The following GRIN2A variants were observed in gnomAD, a reference collection of about 807,000 sequenced individuals.
The protein encoded by GRIN2A is glutamate ionotropic receptor NMDA type subunit 2A.
A neutral mutation model predicts 113.4 loss-of-function variants in GRIN2A; 22 were observed. That is an observed-to-expected ratio of 0.19 (90% CI 0.14 to 0.28). The LOEUF (loss-of-function observed/expected upper bound fraction) is 0.28. Ranked by LOEUF, GRIN2A falls within the 10% of genes least tolerant of loss-of-function variation. GRIN2A has a pLI of 1.00. For synonymous variants in GRIN2A, 827 were observed against 738.4 expected (o/e 1.12, Z -1.94); for missense variants, 1,502 against 1,887.0 (o/e 0.80, Z 3.78).
At chr16:9,804,378 A>G (rs1381132677) in intron 10 of GRIN2A, among the ~76,000 whole-genome samples, 4 of 152,020 alleles carry the variant, frequency 2.6e-5, no homozygotes, top group African/African-American at 9.7e-5. Flanking sequence ...CATCCAACTG[A>G]AAGCCCAGTT....
At chr16:9,802,242 C>T (rs979185565) in intron 10 of GRIN2A, among the ~76,000 whole-genome samples, 3 of 152,122 alleles carry the variant, frequency 2.0e-5, no homozygotes, top group Non-Finnish European at 4.4e-5. Flanking sequence ...CACATATGTT[C>T]ACTGCAGCAC....
intron 2 of GRIN2A, among the ~76,000 whole-genome samples, chr16:9,979,811 A>ATATATATATATATATATATATATATG (rs2045855687): frequency 1.4e-5 from 2 of 142,392 alleles, no homozygotes; most frequent in South Asian, 4.7e-4. Context: ...ATATATATAT[A>ATATATATATATATATATATATATATG]TGTATATGTA....
chr16:10,093,579 A>T (rs762763339), intron 2 of GRIN2A, among the ~76,000 whole-genome samples: 1 of 151,926 alleles, frequency 6.6e-6, no homozygotes, highest in South Asian at 2.1e-4. Context: ...TAAGAGCTAG[A>T]GTCTCTGGGT....
At chr16:9,937,387 A>T (rs1034760828) in intron 3 of GRIN2A, among the ~76,000 whole-genome samples, 2 of 152,218 alleles carry the variant, frequency 1.3e-5, no homozygotes, top group Admixed American at 6.5e-5. Context: ...CTGAAAGAAT[A>T]AATGCTTAGG....
chr16:10,177,195 T>C (rs1457293460), intron 2 of GRIN2A, among the ~76,000 whole-genome samples: 1 of 152,242 alleles, frequency 6.6e-6, no homozygotes, highest in African/African-American at 2.4e-5. Context: ...CATCTATATA[T>C]GTTACTAATG....
chr16:9,995,158 C>T (rs2046199995), intron 2 of GRIN2A, among the ~76,000 whole-genome samples: 2 of 152,224 alleles, frequency 1.3e-5, no homozygotes, highest in South Asian at 4.2e-4. Context: ...TAGAGAAGGC[C>T]ACTCTGAGGA....
chr16:9,905,027 A>G (rs1186120164), intron 3 of GRIN2A, among the ~76,000 whole-genome samples: 7 of 152,244 alleles, frequency 4.6e-5, no homozygotes, highest in Admixed American at 3.9e-4. Context: ...AGTTTGATCC[A>G]CTAAGAAATA....
Position 9,824,460 on chromosome 16 carries a change from C to T in GRIN2A, c.2008-2036G>A, listed in dbSNP as rs551352031. 2.6e-5 allele frequency among the ~76,000 whole-genome samples: 4 copies of T among 152,296 alleles called. No homozygotes were observed. In the South Asian group the frequency reaches 8.3e-4, roughly 32 times the overall value. ...GATGGCCTATTTGACTAAATGCCTT[C>T]CACTTCACTCCCCGTCTGTTGCAGA... is the stretch of plus-strand genomic sequence containing the variant. On this transcript the variant is annotated intron_variant, in intron 9 of 12. Transcript: ENST00000330684.
At chr16:10,144,230 C>T (rs2049385615) in intron 2 of GRIN2A, among the ~76,000 whole-genome samples, 1 of 152,184 alleles carries the variant, frequency 6.6e-6, no homozygotes, top group Admixed American at 6.5e-5. Context: ...AGCCGCCATA[C>T]TGTTTTTCAT....
chr16:10,112,410 AC>A, intron 2 of GRIN2A: 1 of 718,708 alleles, frequency 1.4e-6, no homozygotes, highest in Non-Finnish European at 2.6e-6. Context: ...GCCCCAGGGC[AC>A]TGCTGTGTAC....
chr16:10,078,980 T>C (rs2047931242), intron 2 of GRIN2A, among the ~76,000 whole-genome samples: 1 of 152,202 alleles, frequency 6.6e-6, no homozygotes. Context: ...GTGACAACAA[T>C]AACAATACAG....
At chr16:10,048,990 T>C (rs1466598384) in intron 2 of GRIN2A, among the ~76,000 whole-genome samples, 1 of 152,192 alleles carries the variant, frequency 6.6e-6, no homozygotes, top group African/African-American at 2.4e-5. Flanking sequence ...ATCAGAAACT[T>C]GCTGTCTCTA....
intron 11 of GRIN2A, among the ~76,000 whole-genome samples, chr16:9,772,821 C>T (rs1004604654): frequency 4.7e-5 from 7 of 148,904 alleles, no homozygotes; most frequent in South Asian, 4.2e-4. Context: ...AACATCATCT[C>T]GATTCTTTTC....
chr16:9,924,986 G>T (rs538856958), intron 3 of GRIN2A, among the ~76,000 whole-genome samples: 32 of 152,220 alleles, frequency 2.1e-4, no homozygotes, highest in African/African-American at 7.7e-4. Context: ...TTAAATCTGG[G>T]TAAGTTGTTA....
intron 2 of GRIN2A, among the ~76,000 whole-genome samples, chr16:10,020,630 C>G (rs186272529): frequency 6.6e-6 from 1 of 152,014 alleles, no homozygotes; most frequent in Non-Finnish European, 1.5e-5. Context: ...ACTAGCTATA[C>G]GATACAAGGT....
intron 4 of GRIN2A, among the ~76,000 whole-genome samples, chr16:9,868,732 G>A (rs190327091): frequency 3.3e-4 from 51 of 152,250 alleles, no homozygotes; most frequent in Admixed American, 1.5e-3. Context: ...ATTCATGACA[G>A]CCTCATTTTG....
chr16:10,179,649 C>G, intron 2 of GRIN2A: 5 of 386,478 alleles, frequency 1.3e-5, no homozygotes, highest in Non-Finnish European at 2.4e-5. Flanking sequence ...TCCAGTGCTC[C>G]TGGGCCCACC....
At chr16:9,866,334 G>A (rs13335279) in intron 4 of GRIN2A, among the ~76,000 whole-genome samples, 4,229 of 152,298 alleles carry the variant, frequency 0.028, 198 homozygotes, top group African/African-American at 0.097. Flanking sequence ...AGAGTGGAAA[G>A]AAGGGATGTG....
Position 10,132,340 on chromosome 16 carries a change from C to CAAAAAAAAAAAAAAAA in GRIN2A, c.414+47642_414+47657dup, listed in dbSNP as rs71402435. The stretch of plus-strand genomic sequence containing the variant: ...GAATGAGCAGAACAAGACACCGTCT[C>CAAAAAAAAAAAAAAAA]AAAAAAAAAAAAAAAAAAGATGTGA... On this transcript the variant is annotated intron_variant, in intron 2 of 12. Coordinates refer to ENST00000330684, the MANE Select transcript of GRIN2A (RefSeq NM_001134407.3). Among the ~76,000 whole-genome samples, 30 of 61,556 alleles carry CAAAAAAAAAAAAAAAA rather than the reference C, an allele frequency of 4.9e-4. 1 individual carries two copies. The highest frequency in any genetic ancestry group is 2.2e-3 in the East Asian group (3 of 1,364). 40.4% of individuals were successfully genotyped at this position (61,556 alleles called of 152,430 possible). A position where few individuals can be genotyped will look rare whatever the true frequency, so the allele number is the denominator to read the frequency against.
Sources: allele counts gnomAD v4.1 joint callset (sites outside exome capture counted in the v4.1 genomes callset), GRCh38; gene constraint gnomAD v4.1.1; transcripts MANE v1.5; gene names NCBI Gene and HGNC (gene_info 2026-07-23, HGNC 2026-07-21).